AFAP1L1: variants seen among roughly 807,000 people sequenced by gnomAD.
AFAP1L1 encodes actin filament-associated protein 1-like 1.
A neutral mutation model predicts 99.8 loss-of-function variants in AFAP1L1; 77 were observed. The observed-to-expected ratio is 0.77, with a 90% CI of 0.64 to 0.93. The LOEUF is 0.93. Ranked by LOEUF, AFAP1L1 falls within the 40% of genes least tolerant of loss-of-function variation. The pLI is 0.00. For synonymous variants in AFAP1L1, 373 were observed against 395.3 expected (o/e 0.94, Z 0.67); for missense variants, 893 against 996.8 (o/e 0.90, Z 1.40).
chr5:149,274,374 A>G (rs1430624678), intron 1 of AFAP1L1, among the ~76,000 whole-genome samples: 2 of 152,202 alleles, frequency 1.3e-5, no homozygotes, highest in Non-Finnish European at 2.9e-5. Flanking sequence ...TGTACAAGTA[A>G]TCAGTTTGAG....
At chr5:149,339,078 A>G (rs1259757089) in intron 18 of AFAP1L1, among the ~76,000 whole-genome samples, 2 of 152,166 alleles carry the variant, frequency 1.3e-5, no homozygotes, top group Non-Finnish European at 2.9e-5. Flanking sequence ...TTTCTGAACC[A>G]TATGATCTGT....
At chr5:149,335,205 C>G (rs1757368781) in intron 17 of AFAP1L1, among the ~76,000 whole-genome samples, 1 of 152,068 alleles carries the variant, frequency 6.6e-6, no homozygotes, top group Non-Finnish European at 1.5e-5. Flanking sequence ...GTTCCTCATG[C>G]AGCCAGGCAC....
At chr5:149,290,290 T>G (rs1226742304) in intron 1 of AFAP1L1, among the ~76,000 whole-genome samples, 2 of 152,190 alleles carry the variant, frequency 1.3e-5, no homozygotes, top group African/African-American at 4.8e-5. Flanking sequence ...AGAATACGTC[T>G]TATAGTAGTA....
At chr5:149,286,426 TA>T (rs1480749024) in intron 1 of AFAP1L1, among the ~76,000 whole-genome samples, 6 of 152,168 alleles carry the variant, frequency 3.9e-5, no homozygotes, top group African/African-American at 1.4e-4. Context: ...TCAGAAATAG[TA>T]AAAAATAATT....
rs1166490879 is a variant in AFAP1L1 at position 149,341,918 on chromosome 5, T to G, written c.*1888T>G. The G allele has an allele frequency of 6.6e-6, 1 of 152,226 alleles. No individual in the cohort carries two copies. The highest frequency in any genetic ancestry group is 1.5e-5 in the Non-Finnish European group (1 of 68,026). 9.4% of individuals were successfully genotyped at this position (152,226 alleles called of 1,614,324 possible). A position where few individuals can be genotyped will look rare whatever the true frequency, so the allele number is the denominator to read the frequency against. Reference sequence around the variant, plus strand: ...CCTAACTCTCCAACTATGTCTTCAGTGTCTGTCATACTCTTTCTTATGCAG... The same window carrying G: ...CCTAACTCTCCAACTATGTCTTCAGGGTCTGTCATACTCTTTCTTATGCAG... On this transcript the variant is annotated 3_prime_UTR_variant, in exon 19 of 19. Transcript: ENST00000296721.
intron 1 of AFAP1L1, among the ~76,000 whole-genome samples, chr5:149,275,668 G>C (rs1755295904): frequency 6.6e-6 from 1 of 151,966 alleles, no homozygotes; most frequent in Non-Finnish European, 1.5e-5. Flanking sequence ...ACCATGCCCA[G>C]CTAATTTTTT....
intron 1 of AFAP1L1, among the ~76,000 whole-genome samples, chr5:149,283,037 G>A (rs1221054572): frequency 1.3e-5 from 2 of 152,048 alleles, no homozygotes; most frequent in East Asian, 1.9e-4. Flanking sequence ...AGCACCTAAG[G>A]AAGCTATGCA....
At position 149,315,994 on chromosome 5, in the gene AFAP1L1, G is replaced by T. The variant is rs1756782774; in HGVS notation, c.1114+80G>T. 4.4e-6 allele frequency: 7 copies of T among 1,593,642 alleles called. No homozygotes were observed. The South Asian group carries it at 7.7e-5, about 18-fold the overall frequency. ...CCCATGGGCACACAGCGGCAGAGCAGGTTCTGACCATTCTGTAGACCTGGG... is the reference window on the plus strand; with the variant it reads ...CCCATGGGCACACAGCGGCAGAGCATGTTCTGACCATTCTGTAGACCTGGG... On this transcript the variant is annotated intron_variant, in intron 10 of 18. Transcript: ENST00000296721.
intron 1 of AFAP1L1, among the ~76,000 whole-genome samples, chr5:149,281,262 G>A (rs928947438): frequency 5.3e-5 from 8 of 152,076 alleles, no homozygotes; most frequent in Non-Finnish European, 7.4e-5. Flanking sequence ...CTTTTCTGTC[G>A]CATCTCTTGA....
chr5:149,297,656 C>A (rs1756058864), intron 1 of AFAP1L1, among the ~76,000 whole-genome samples: 1 of 152,152 alleles, frequency 6.6e-6, no homozygotes, highest in South Asian at 2.1e-4. Context: ...TAACAAGGGT[C>A]ACTATCTATA....
chr5:149,316,433 G>T, intron 11 of AFAP1L1, 130 bp downstream of exon 11: 5 of 1,140,824 alleles, frequency 4.4e-6, no homozygotes, highest in South Asian at 3.0e-5. Context: ...AGCCTACTGG[G>T]AGGCTAAGCC....
At position 149,342,881 on chromosome 5, in the gene AFAP1L1, C is replaced by G. The variant is rs1258988274; in HGVS notation, c.*2851C>G. On this transcript the variant is annotated 3_prime_UTR_variant, in exon 19 of 19. Transcript: ENST00000296721. ...GAGCCGAGATCGCACCACTGCACTC[C>G]AGCCTGGGCAATAGCAAGACTCCAT... Among the ~76,000 whole-genome samples the G allele has an allele frequency of 6.6e-6, 1 of 151,470 alleles. No individual in the cohort carries two copies. Among genetic ancestry groups the G allele is most frequent in the African/African-American group, 2.4e-5 (1 of 41,116 alleles).
Position 149,317,734 on chromosome 5 carries a change from C to G in AFAP1L1, c.1273C>G (p.Leu425Val), listed in dbSNP as rs1472010556. 6.2e-7 allele frequency: 1 copy of G among 1,613,914 alleles called. No individual in the cohort carries two copies. Among genetic ancestry groups the G allele is most frequent in the South Asian group, 1.1e-5 (1 of 90,956 alleles). The stretch of plus-strand genomic sequence containing the variant: ...CACACCATTGTCTCCTCCAGGCTAC[C>G]TGAACGTGCTGGTGAACCAGGGCTG... ...TEEEVPCCGY[L>V]NVLVNQGWKE... The change falls in exon 12 of 19, where the codon CTG becomes GTG. Residue 425 changes from leucine (L) to valine (V), a missense_variant. Physicochemically the swap from Leu to Val is conservative, Grantham distance 32. Coordinates refer to ENST00000296721, the MANE Select transcript of AFAP1L1 (RefSeq NM_152406.4).
chr5:149,337,752 A>G (rs1757445276), intron 18 of AFAP1L1, among the ~76,000 whole-genome samples: 1 of 152,194 alleles, frequency 6.6e-6, no homozygotes. Context: ...TGATACAACT[A>G]CAAATATATA....
intron 16 of AFAP1L1, among the ~76,000 whole-genome samples, chr5:149,331,852 T>C (rs1757267840): frequency 6.6e-6 from 1 of 152,128 alleles, no homozygotes; most frequent in Non-Finnish European, 1.5e-5. Flanking sequence ...CCTTCTCTCC[T>C]TTGGTTTCAT....
rs1756455326 is a variant in AFAP1L1, at chr5:149,307,464, A to G, written c.598A>G (p.Lys200Glu). The G allele has an allele frequency of 1.2e-6, 2 of 1,614,034 alleles. No homozygotes were observed. Among genetic ancestry groups the G allele is most frequent in the Admixed American group, 1.7e-5 (1 of 59,994 alleles). The change falls in exon 7 of 19, where the codon AAG (lysine) becomes GAG (glutamate). Residue 200 changes from lysine (K) to glutamate (E), a missense_variant. Coordinates refer to ENST00000296721, the MANE Select transcript of AFAP1L1 (RefSeq NM_152406.4). ...CTACGATGAAGAGGAGGAGGAAGGG[A>G]AGAGCCCGCAGCCCCGACACCAGTG... ...ESYDEEEEEG[K>E]SPQPRHQWPS...
chr5:149,331,622 G>GAA (rs751022773), intron 16 of AFAP1L1, among the ~76,000 whole-genome samples: 5 of 123,400 alleles, frequency 4.1e-5, no homozygotes, highest in Non-Finnish European at 1.8e-5. Flanking sequence ...TCCGTCTCAA[G>GAA]AAAAAAAAAA....
chr5:149,297,966 C>T (rs941108738), intron 1 of AFAP1L1, among the ~76,000 whole-genome samples: 1 of 152,242 alleles, frequency 6.6e-6, no homozygotes, highest in Non-Finnish European at 1.5e-5. Context: ...TTAATTCTCA[C>T]AGCCACCCTA....
chr5:149,282,852 T>C (rs956453228), intron 1 of AFAP1L1, among the ~76,000 whole-genome samples: 2 of 152,218 alleles, frequency 1.3e-5, no homozygotes, highest in Non-Finnish European at 2.9e-5. Context: ...TACGAGAGTG[T>C]GTATTCAAGA....
Sources: gnomAD v4.1 joint callset for allele counts (sites outside exome capture counted in the v4.1 genomes callset) on GRCh38, gnomAD v4.1.1 for gene constraint, MANE v1.5 for transcripts, NCBI Gene and HGNC (gene_info 2026-07-23, HGNC 2026-07-21) for gene names.